The following ADGRL3 variants were observed in gnomAD, a reference collection of about 807,000 sequenced individuals.
The protein encoded by ADGRL3 is adhesion G protein-coupled receptor L3.
Under a neutral mutation model 153.5 loss-of-function variants are expected in ADGRL3, and 62 were observed. That is an observed-to-expected ratio of 0.40 (90% CI 0.33 to 0.50). The LOEUF is 0.50. Among genes scored for constraint, ADGRL3 ranks in the 20% least tolerant of loss-of-function variants. ADGRL3 has a pLI of 0.47. For missense variants in ADGRL3, 1,641 were observed against 1,859.4 expected (o/e 0.88, Z 2.16); for synonymous variants, 710 against 672.5 (o/e 1.06, Z -0.86).
chr4:61,972,190 T>G (rs1411863539), intron 17 of ADGRL3, among the ~76,000 whole-genome samples: 50 of 152,066 alleles, frequency 3.3e-4, no homozygotes, highest in Non-Finnish European at 6.2e-4. Context: ...TTTTGGCTTT[T>G]GTTGCCATTG....
At chr4:62,040,807 AG>A (rs1727865271) in intron 24 of ADGRL3, among the ~76,000 whole-genome samples, 1 of 152,150 alleles carries the variant, frequency 6.6e-6, no homozygotes, top group Non-Finnish European at 1.5e-5. Flanking sequence ...TCAATTAGCC[AG>A]GTGGCTACTT....
intron 8 of ADGRL3, among the ~76,000 whole-genome samples, chr4:61,763,732 C>G (rs58665063): frequency 0.087 from 13,193 of 152,054 alleles, 1,215 homozygotes; most frequent in African/African-American, 0.23. Flanking sequence ...TTTTGAAACA[C>G]ACACATAAAC....
chr4:61,387,815 A>G lies in ADGRL3; in HGVS notation c.-174+4626A>G, dbSNP rs2096756296. On this transcript the variant is annotated intron_variant, in intron 2 of 26. Coordinates refer to ENST00000683033, the MANE Select transcript of ADGRL3 (RefSeq NM_001387552.1). ...AGGCAATATACATCCTCCTCAGCTGACAGGATTAAGAGATTAAAGTAAAGA... is the reference window on the plus strand; with the variant it reads ...AGGCAATATACATCCTCCTCAGCTGGCAGGATTAAGAGATTAAAGTAAAGA... Among the ~76,000 whole-genome samples, 3 of 152,250 alleles carry G rather than the reference A, an allele frequency of 2.0e-5. No homozygotes were observed. In the South Asian group the frequency reaches 6.2e-4, roughly 32 times the overall value.
chr4:61,792,357 G>C (rs2097353471), intron 8 of ADGRL3, among the ~76,000 whole-genome samples: 1 of 152,030 alleles, frequency 6.6e-6, no homozygotes, highest in South Asian at 2.1e-4. Flanking sequence ...TTCCCAACAA[G>C]TTCTTCATCT....
intron 4 of ADGRL3, among the ~76,000 whole-genome samples, chr4:61,567,524 A>G (rs74337618): frequency 0.044 from 6,697 of 152,216 alleles, 473 homozygotes; most frequent in African/African-American, 0.15. Context: ...GCCGTCTATG[A>G]GGAAGGGGTC....
intron 1 of ADGRL3, among the ~76,000 whole-genome samples, chr4:61,294,891 ACACACACACACT>A (rs1296245736): frequency 0.014 from 627 of 44,464 alleles, 5 homozygotes; most frequent in South Asian, 0.049. Flanking sequence ...TTTTACACAC[ACACACACACACT>A]CACACACACA....
At chr4:61,921,784 T>A (rs1333831797) in intron 13 of ADGRL3, among the ~76,000 whole-genome samples, 3 of 152,236 alleles carry the variant, frequency 2.0e-5, no homozygotes, top group Non-Finnish European at 4.4e-5. Context: ...TTTATAAATC[T>A]TGTCATACAA....
chr4:61,271,185 T>G (rs2093154392), intron 1 of ADGRL3, among the ~76,000 whole-genome samples: 2 of 151,898 alleles, frequency 1.3e-5, no homozygotes, highest in Non-Finnish European at 2.9e-5. Context: ...AAAATGAAAT[T>G]GTGAAATTTA....
intron 5 of ADGRL3, among the ~76,000 whole-genome samples, chr4:61,658,207 C>T (rs975424787): frequency 1.3e-5 from 2 of 152,114 alleles, no homozygotes; most frequent in Admixed American, 1.3e-4. Flanking sequence ...CAATTTTCCA[C>T]CTTAAATATT....
chr4:61,311,185 A>C (rs1351578782), intron 1 of ADGRL3, among the ~76,000 whole-genome samples: 1 of 152,184 alleles, frequency 6.6e-6, no homozygotes, highest in Non-Finnish European at 1.5e-5. Flanking sequence ...ATAAGGTATT[A>C]ACACCATAAA....
intron 4 of ADGRL3, among the ~76,000 whole-genome samples, chr4:61,532,547 C>CGTGTGTGTGTGTGTGT (rs1476156297): frequency 4.8e-5 from 3 of 62,184 alleles, no homozygotes; most frequent in African/African-American, 1.4e-4. Context: ...CGCGCGCGCG[C>CGTGTGTGTGTGTGTGT]GCGCGCGCGT....
chr4:61,251,516 T>G (rs1286509932), intron 1 of ADGRL3, among the ~76,000 whole-genome samples: 1 of 152,180 alleles, frequency 6.6e-6, no homozygotes, highest in Non-Finnish European at 1.5e-5. Context: ...AGATTCAAGG[T>G]GAAAGGACAC....
At chr4:62,061,791 G>A (rs1304479572) in intron 25 of ADGRL3, among the ~76,000 whole-genome samples, 1 of 151,870 alleles carries the variant, frequency 6.6e-6, no homozygotes, top group Non-Finnish European at 1.5e-5. Context: ...TGTATCAGTA[G>A]TTTGTTCCTT....
intron 8 of ADGRL3, among the ~76,000 whole-genome samples, chr4:61,768,152 A>G (rs1477213871): frequency 6.6e-6 from 1 of 152,176 alleles, no homozygotes; most frequent in African/African-American, 2.4e-5. Context: ...AAAAAGGAGC[A>G]TTAACCTTGA....
intron 9 of ADGRL3, among the ~76,000 whole-genome samples, chr4:61,827,380 C>T (rs920912687): frequency 6.6e-6 from 1 of 152,110 alleles, no homozygotes; most frequent in Non-Finnish European, 1.5e-5. Flanking sequence ...GTGTGAACAA[C>T]TGATGTGGGG....
chr4:61,829,513 A>G (rs2097846980), intron 9 of ADGRL3, among the ~76,000 whole-genome samples: 2 of 152,128 alleles, frequency 1.3e-5, no homozygotes, highest in Admixed American at 6.6e-5. Context: ...AATAAGCACA[A>G]TTCTTTAGTT....
intron 21 of ADGRL3, among the ~76,000 whole-genome samples, chr4:62,004,286 A>G (rs557095039): frequency 2.6e-5 from 4 of 152,132 alleles, no homozygotes; most frequent in Non-Finnish European, 4.4e-5. Context: ...CCTACTTGCT[A>G]AAATTATCTC....
At chr4:61,647,043 G>A (rs891642411) in intron 5 of ADGRL3, among the ~76,000 whole-genome samples, 1 of 152,102 alleles carries the variant, frequency 6.6e-6, no homozygotes, top group African/African-American at 2.4e-5. Context: ...GATTTTCCAG[G>A]TGCCGTCCAT....
chr4:61,830,216 C>T (rs34637663), intron 9 of ADGRL3, among the ~76,000 whole-genome samples: 55,391 of 151,534 alleles, frequency 0.37, 10,700 homozygotes, highest in East Asian at 0.62. Flanking sequence ...CCATGTTGCC[C>T]AGGCTTCTAC....
Sources: allele counts gnomAD v4.1 joint callset (sites outside exome capture counted in the v4.1 genomes callset), GRCh38; gene constraint gnomAD v4.1.1; transcripts MANE v1.5; gene names NCBI Gene and HGNC (gene_info 2026-07-23, HGNC 2026-07-21).